The following GABRA2 variants were observed in gnomAD, a reference collection of about 807,000 sequenced individuals.
GABRA2 encodes gamma-aminobutyric acid receptor subunit alpha-2.
Under a neutral mutation model 48.7 loss-of-function variants are expected in GABRA2, and 16 were observed. That is an observed-to-expected ratio of 0.33 (90% CI 0.22 to 0.50). The LOEUF (loss-of-function observed/expected upper bound fraction) is 0.50. Among genes scored for constraint, GABRA2 ranks in the 20% least tolerant of loss-of-function variants. The pLI is 0.98. For missense variants in GABRA2, 275 were observed against 535.6 expected (o/e 0.51, Z 4.80); for synonymous variants, 185 against 184.5 (o/e 1.00, Z -0.02).
At chr4:46,346,576 A>G (rs942736925) in intron 3 of GABRA2, among the ~76,000 whole-genome samples, 1 of 149,296 alleles carries the variant, frequency 6.7e-6, no homozygotes, top group East Asian at 2.0e-4. Context: ...CGTGTTGCAT[A>G]TTTATGTATT....
intron 9 of GABRA2, among the ~76,000 whole-genome samples, chr4:46,256,569 C>G (rs536146995): frequency 6.6e-6 from 1 of 151,550 alleles, no homozygotes; most frequent in East Asian, 1.9e-4. Flanking sequence ...CTTCCCTCCC[C>G]CAAGGTGTTA....
chr4:46,280,328 G>C (rs1203851205), intron 8 of GABRA2, among the ~76,000 whole-genome samples: 1 of 152,072 alleles, frequency 6.6e-6, no homozygotes. Context: ...CCTGAGAAAA[G>C]AGAGGTCCAG....
intron 9 of GABRA2, among the ~76,000 whole-genome samples, chr4:46,259,224 C>T (rs1716454849): frequency 6.6e-6 from 1 of 151,710 alleles, no homozygotes; most frequent in Admixed American, 6.6e-5. Context: ...AGGAAAAACA[C>T]CGGATATGAA....
At chr4:46,340,873 G>T (rs1480073543) in intron 3 of GABRA2, among the ~76,000 whole-genome samples, 4 of 151,606 alleles carry the variant, frequency 2.6e-5, no homozygotes, top group Non-Finnish European at 5.9e-5. Flanking sequence ...GCAAATGTTG[G>T]TATGCTTTAT....
chr4:46,382,685 C>T (rs1354381278), intron 3 of GABRA2, among the ~76,000 whole-genome samples: 2 of 152,166 alleles, frequency 1.3e-5, no homozygotes, highest in Non-Finnish European at 2.9e-5. Flanking sequence ...ATAAATGAAT[C>T]ACAATGGACT....
rs1726571434 is a variant in GABRA2, at chr4:46,305,728, A to G, written c.560-17T>C. ...TATATGCATCTATAGGAAATCAGAA[A>G]AAATATTTTAAGCATTTTAGTAAGA... On this transcript the variant is annotated splice_polypyrimidine_tract_variant and intron_variant, in intron 6 of 9. Transcript: ENST00000381620. 1 of 1,580,492 alleles carries G rather than the reference A, an allele frequency of 6.3e-7. No homozygotes were observed. Among genetic ancestry groups the G allele is most frequent in the African/African-American group, 1.4e-5 (1 of 73,810 alleles).
intron 8 of GABRA2, among the ~76,000 whole-genome samples, chr4:46,296,656 G>GTAAAA (rs1491416113): frequency 7.3e-6 from 1 of 136,598 alleles, no homozygotes; most frequent in Non-Finnish European, 1.5e-5. Context: ...CTATCAGGGG[G>GTAAAA]AAAAAAAAAA....
At chr4:46,365,302 ATGGAGAATTT>A (rs1248631859) in intron 3 of GABRA2, 1 of 152,152 alleles carries the variant, frequency 6.6e-6, no homozygotes, top group Non-Finnish European at 1.5e-5. Context: ...TAAACATTCT[ATGGAGAATTT>A]TGCAATAAAC....
intron 8 of GABRA2, among the ~76,000 whole-genome samples, chr4:46,278,711 AT>A (rs1484864914): frequency 6.6e-6 from 1 of 152,080 alleles, no homozygotes; most frequent in East Asian, 1.9e-4. Context: ...TTCCTTATAG[AT>A]TTCAAGGACT....
chr4:46,309,819 T>C (rs1727323621), intron 6 of GABRA2, among the ~76,000 whole-genome samples: 1 of 152,110 alleles, frequency 6.6e-6, no homozygotes, highest in African/African-American at 2.4e-5. Flanking sequence ...AATCTATCCT[T>C]TCCAATTCAT....
At chr4:46,357,235 C>A (rs544576961) in intron 3 of GABRA2, among the ~76,000 whole-genome samples, 1 of 151,854 alleles carries the variant, frequency 6.6e-6, no homozygotes, top group East Asian at 1.9e-4. Flanking sequence ...AAGCCACATT[C>A]TCCCATCTAG....
intron 4 of GABRA2, among the ~76,000 whole-genome samples, chr4:46,329,058 C>T (rs1161870650): frequency 6.6e-6 from 1 of 152,008 alleles, no homozygotes; most frequent in African/African-American, 2.4e-5. Flanking sequence ...TTTTTCCTAG[C>T]TGCATCTTTC....
intron 8 of GABRA2, among the ~76,000 whole-genome samples, chr4:46,280,328 G>T (rs1203851205): frequency 1.8e-4 from 28 of 152,072 alleles, no homozygotes; most frequent in Admixed American, 1.8e-3. Context: ...CCTGAGAAAA[G>T]AGAGGTCCAG....
chr4:46,284,352 C>A (rs1445497368), intron 8 of GABRA2, among the ~76,000 whole-genome samples: 1 of 152,016 alleles, frequency 6.6e-6, no homozygotes. Flanking sequence ...AAGCATAACA[C>A]CTAAGGTAAA....
intron 9 of GABRA2, among the ~76,000 whole-genome samples, chr4:46,253,766 T>C (rs1715263712): frequency 6.6e-6 from 1 of 151,446 alleles, no homozygotes; most frequent in African/African-American, 2.4e-5. Flanking sequence ...ATTCACTGAA[T>C]GAAGGGCAGG....
intron 9 of GABRA2, chr4:46,260,701 CAT>C (rs1716783405): frequency 6.6e-6 from 1 of 151,792 alleles, no homozygotes; most frequent in Admixed American, 6.6e-5. Context: ...GCAATGAAAA[CAT>C]AAATCAATAT....
intron 8 of GABRA2, among the ~76,000 whole-genome samples, chr4:46,265,636 T>G (rs1219031840): frequency 6.6e-6 from 1 of 151,336 alleles, no homozygotes; most frequent in East Asian, 1.9e-4. Flanking sequence ...AACCAACTTA[T>G]GGCTGTGTGG....
chr4:46,380,113 AAT>A (rs1358950918), intron 3 of GABRA2, among the ~76,000 whole-genome samples: 1 of 152,174 alleles, frequency 6.6e-6, no homozygotes, highest in Non-Finnish European at 1.5e-5. Flanking sequence ...TCAATTTTAT[AAT>A]ATGTCCCTAA....
chr4:46,285,421 T>G (rs1191362847), intron 8 of GABRA2, among the ~76,000 whole-genome samples: 1 of 152,052 alleles, frequency 6.6e-6, no homozygotes, highest in Non-Finnish European at 1.5e-5. Flanking sequence ...CTAAACACCT[T>G]CTGCTGATTG....
Sources: allele counts gnomAD v4.1 joint callset (sites outside exome capture counted in the v4.1 genomes callset), GRCh38; gene constraint gnomAD v4.1.1; transcripts MANE v1.5; gene names NCBI Gene and HGNC (gene_info 2026-07-23, HGNC 2026-07-21).